The following SLC60A2 variants were observed in gnomAD, a reference collection of about 807,000 sequenced individuals.
The protein encoded by SLC60A2 is solute carrier family 60 member 2.
chr6:111,259,614 G>A, the SLC60A2 span: 6 of 1,451,502 alleles, frequency 4.1e-6, no homozygotes, highest in Non-Finnish European at 5.6e-6. Flanking sequence ...GGAGGCCCCG[G>A]CGGAGAATGA....
At chr6:111,272,960 A>G in the SLC60A2 span, among the ~76,000 whole-genome samples, 1 of 151,364 alleles carries the variant, frequency 6.6e-6, no homozygotes. Context: ...CCTCCCAAGT[A>G]GCTGGGATTA....
At chr6:111,277,920 A>T in the SLC60A2 span, 2 of 152,152 alleles carry the variant, frequency 1.3e-5, no homozygotes, top group African/African-American at 4.8e-5. Context: ...GTCAAACTAG[A>T]TCTTGGATTA....
At chr6:111,272,373 C>T in the SLC60A2 span, among the ~76,000 whole-genome samples, 7 of 152,112 alleles carry the variant, frequency 4.6e-5, no homozygotes, top group African/African-American at 1.7e-4. Context: ...TATTAATTAT[C>T]TCAAGTGTTA....
At chr6:111,277,025 C>T in the SLC60A2 span, among the ~76,000 whole-genome samples, 5 of 152,354 alleles carry the variant, frequency 3.3e-5, no homozygotes, top group South Asian at 1.0e-3. Flanking sequence ...TCAGGAGTTG[C>T]TGGTTAGCCT....
the SLC60A2 span, among the ~76,000 whole-genome samples, chr6:111,274,691 T>C: frequency 6.6e-6 from 1 of 152,296 alleles, no homozygotes; most frequent in South Asian, 2.1e-4. Context: ...ACTAGTACAT[T>C]TTATGCTTTT....
the SLC60A2 span, among the ~76,000 whole-genome samples, chr6:111,259,893 T>A: frequency 1.3e-5 from 2 of 150,096 alleles, no homozygotes; most frequent in African/African-American, 4.9e-5. Context: ...TCTGAATACG[T>A]CTTTCAGCTC....
chr6:111,269,202 T>A, the SLC60A2 span: 5 of 152,144 alleles, frequency 3.3e-5, no homozygotes, highest in Non-Finnish European at 5.9e-5. Flanking sequence ...TATTTTTATT[T>A]ATTTATTAGG....
the SLC60A2 span, chr6:111,269,800 A>T: frequency 6.6e-6 from 1 of 152,230 alleles, no homozygotes; most frequent in African/African-American, 2.4e-5. Flanking sequence ...GGGCATTGTT[A>T]AAGTTCCATA....
chr6:111,267,003 G>T, the SLC60A2 span: 1 of 1,614,216 alleles, frequency 6.2e-7, no homozygotes, highest in Non-Finnish European at 8.5e-7. Context: ...GCCCACAGCT[G>T]AAGTCTATAA....
At chr6:111,278,379 G>A in the SLC60A2 span, 1 of 152,140 alleles carries the variant, frequency 6.6e-6, no homozygotes, top group South Asian at 2.1e-4. Flanking sequence ...ATCATCAACA[G>A]TTAGATGACC....
At chr6:111,271,763 C>T in the SLC60A2 span, among the ~76,000 whole-genome samples, 2 of 88,836 alleles carry the variant, frequency 2.3e-5, no homozygotes, top group African/African-American at 4.2e-5. Flanking sequence ...CATGGCAAAA[C>T]CCCATCTCTA....
the SLC60A2 span, chr6:111,267,159 A>G: frequency 6.5e-7 from 1 of 1,531,096 alleles, no homozygotes; most frequent in Non-Finnish European, 8.8e-7. Flanking sequence ...AATAACTGCC[A>G]CTTCTAAGGA....
chr6:111,266,139 A>G, the SLC60A2 span: 39 of 1,613,526 alleles, frequency 2.4e-5, no homozygotes, highest in Non-Finnish European at 3.3e-5. Context: ...CGGTACTTAC[A>G]TGTTCTTAGT....
chr6:111,259,586 G>T, the SLC60A2 span: 2 of 1,195,226 alleles, frequency 1.7e-6, no homozygotes, highest in African/African-American at 1.6e-5. Flanking sequence ...CGGCTGCGGG[G>T]CAGCGGCTCC....
chr6:111,259,778 T>C, the SLC60A2 span: 1 of 1,528,620 alleles, frequency 6.5e-7, no homozygotes, highest in East Asian at 2.5e-5. Flanking sequence ...GAGTCTTGCC[T>C]TCGCCACTTG....
At chr6:111,278,621 G>A in the SLC60A2 span, 1 of 152,152 alleles carries the variant, frequency 6.6e-6, no homozygotes, top group East Asian at 1.9e-4. Flanking sequence ...TCCTGCACAA[G>A]CCCTCATTTT....
chr6:111,260,422 A>G, the SLC60A2 span, among the ~76,000 whole-genome samples: 2 of 152,226 alleles, frequency 1.3e-5, no homozygotes, highest in Non-Finnish European at 2.9e-5. Context: ...GGGGAAAGTG[A>G]CTTTCTGGAT....
chr6:111,262,855 T>G, the SLC60A2 span, among the ~76,000 whole-genome samples: 1 of 152,062 alleles, frequency 6.6e-6, no homozygotes, highest in African/African-American at 2.4e-5. Flanking sequence ...TGATGTAGGC[T>G]ATGTTTTTGT....
chr6:111,276,505 G>C, the SLC60A2 span, among the ~76,000 whole-genome samples: 8 of 152,176 alleles, frequency 5.3e-5, no homozygotes, highest in African/African-American at 1.9e-4. Context: ...TCAAAGAAAA[G>C]TTATGTTGGG....
Sources: allele counts gnomAD v4.1 joint callset (sites outside exome capture counted in the v4.1 genomes callset), GRCh38; gene constraint gnomAD v4.1.1; transcripts MANE v1.5; gene names NCBI Gene and HGNC (gene_info 2026-07-23, HGNC 2026-07-21).